TMA16: variants seen among roughly 807,000 people sequenced by gnomAD.
TMA16 encodes translation machinery-associated protein 16.
A neutral mutation model predicts 27.1 loss-of-function variants in TMA16; 26 were observed. The ratio of observed to expected loss-of-function variants is 0.96; its 90% CI spans 0.70 to 1.33. TMA16 has a LOEUF of 1.33. TMA16 is among the 40% of genes most tolerant of loss of function. The pLI is 0.00. For missense variants in TMA16, 233 were observed against 241.4 expected (o/e 0.97, Z 0.23); for synonymous variants, 71 against 81.9 (o/e 0.87, Z 0.72).
chr4:163,504,566 A>G (rs959775803), intron 1 of TMA16, among the ~76,000 whole-genome samples: 28 of 152,116 alleles, frequency 1.8e-4, no homozygotes, highest in African/African-American at 6.3e-4. Context: ...GGTGCCATCT[A>G]TGCTCGCTGC....
intron 2 of TMA16, among the ~76,000 whole-genome samples, chr4:163,508,491 C>G (rs902117840): frequency 1.3e-5 from 2 of 152,014 alleles, no homozygotes; most frequent in African/African-American, 4.8e-5. Flanking sequence ...ATACTATTAC[C>G]TGCTGTAAAT....
In TMA16 at chr4:163,512,929, T is replaced by C; in HGVS notation, c.154+70T>C. The C allele has an allele frequency of 2.5e-6, 3 of 1,180,560 alleles. No homozygotes were observed. The South Asian group carries it at 4.6e-5, about 18-fold the overall frequency. 73.1% of individuals were successfully genotyped at this position (1,180,560 alleles called of 1,614,324 possible). On this transcript the variant is annotated intron_variant, in intron 3 of 6. Coordinates refer to ENST00000358572, the MANE Select transcript of TMA16 (RefSeq NM_018352.3). The stretch of plus-strand genomic sequence containing the variant: ...ATTTCTGCCCTATACTTGTTTTTCT[T>C]TTTACTCTTTTAGTGAAATACTGTT...
At chr4:163,514,906 T>C (rs1737851788) in intron 4 of TMA16, among the ~76,000 whole-genome samples, 1 of 151,018 alleles carries the variant, frequency 6.6e-6, no homozygotes, top group South Asian at 2.1e-4. Flanking sequence ...ATAAAAGGGA[T>C]AGAGAGCAGT....
intron 2 of TMA16, 50 bp downstream of exon 2, chr4:163,507,195 A>G (rs1391550697): frequency 4.8e-6 from 7 of 1,450,070 alleles, no homozygotes; most frequent in Admixed American, 2.1e-5. Context: ...AAGCCCCTTT[A>G]TACTTTTATC....
rs1560915425 is a variant in TMA16 at position 163,512,850 on chromosome 4, A to C, written c.145A>C (p.Asn49His). The C allele has an allele frequency of 6.2e-7, 1 of 1,607,282 alleles. No individual in the cohort carries two copies. Among genetic ancestry groups the C allele is most frequent in the Non-Finnish European group, 8.5e-7 (1 of 1,175,482 alleles). ...GAAGAATGAAAAGGCCTTGCGTCTC[A>C]ACCTTGTTGGTAAGTGGGTTTACTT... is the stretch of plus-strand genomic sequence containing the variant. Reference protein sequence around the residue: ...KLKNEKALRLNLVGEKLQWFQ... With the variant: ...KLKNEKALRLHLVGEKLQWFQ... The change falls in exon 3 of 7, where the codon AAC becomes CAC. Residue 49 changes from asparagine to histidine, a missense_variant. By Grantham distance (68) the Asn-to-His change is moderately conservative. Coordinates refer to ENST00000358572, the MANE Select transcript of TMA16 (RefSeq NM_018352.3).
At chr4:163,514,042 G>A in intron 3 of TMA16, 32 bp from the exon 4 acceptor site, 1 of 1,504,196 alleles carries the variant, frequency 6.6e-7, no homozygotes, top group Non-Finnish European at 9.1e-7. Context: ...ATGACTTGTG[G>A]GGTAAACTGT....
chr4:163,497,219 G>A (rs1370223992), intron 1 of TMA16, among the ~76,000 whole-genome samples: 3 of 152,188 alleles, frequency 2.0e-5, no homozygotes, highest in Non-Finnish European at 4.4e-5. Context: ...CAACAAATCA[G>A]CTTAATACAT....
At chr4:163,497,271 T>C (rs550511907) in intron 1 of TMA16, among the ~76,000 whole-genome samples, 2 of 152,304 alleles carry the variant, frequency 1.3e-5, no homozygotes, top group African/African-American at 4.8e-5. Flanking sequence ...CTCCTGAAAG[T>C]TAGTAAAACT....
intron 1 of TMA16, among the ~76,000 whole-genome samples, chr4:163,499,718 A>G (rs1737617596): frequency 6.6e-6 from 1 of 151,402 alleles, no homozygotes; most frequent in Admixed American, 6.6e-5. Context: ...TTGTTTTTTA[A>G]ATTTTTATTA....
At chr4:163,498,198 A>C (rs1033908510) in intron 1 of TMA16, among the ~76,000 whole-genome samples, 2 of 152,090 alleles carry the variant, frequency 1.3e-5, no homozygotes, top group African/African-American at 4.8e-5. Flanking sequence ...CAGACATTGC[A>C]ATACTGCTGC....
intron 2 of TMA16, among the ~76,000 whole-genome samples, chr4:163,509,231 G>T (rs1018262923): frequency 6.6e-6 from 1 of 152,168 alleles, no homozygotes; most frequent in African/African-American, 2.4e-5. Context: ...CAAAAGGCAC[G>T]TTGAAACGCT....
At chr4:163,512,779 C>A in intron 2 of TMA16, 43 bp from the exon 3 acceptor site, 1 of 1,519,660 alleles carries the variant, frequency 6.6e-7, no homozygotes, top group Non-Finnish European at 9.0e-7. Flanking sequence ...TTAAAACTTG[C>A]TTTGGAAATT....
At position 163,507,623 on chromosome 4, in the gene TMA16, G is replaced by A. The variant is rs1737736677; in HGVS notation, c.116+478G>A. On this transcript the variant is annotated intron_variant, in intron 2 of 6. Coordinates refer to ENST00000358572, the MANE Select transcript of TMA16 (RefSeq NM_018352.3). Reference sequence around the variant, plus strand: ...ATTTGGGAGCGATCAGCATCCATGTGGGATTTCAAGCCGTGAGACTGGATA... The same window carrying A: ...ATTTGGGAGCGATCAGCATCCATGTAGGATTTCAAGCCGTGAGACTGGATA... 2.6e-5 allele frequency among the ~76,000 whole-genome samples: 4 copies of A among 151,864 alleles called. No homozygotes were observed. In the South Asian group the frequency reaches 8.3e-4, roughly 32 times the overall value.
intron 2 of TMA16, among the ~76,000 whole-genome samples, chr4:163,510,951 TAC>T (rs781266782): frequency 3.3e-5 from 5 of 152,206 alleles, no homozygotes; most frequent in Non-Finnish European, 7.3e-5. Context: ...TGTGTGGACA[TAC>T]GTTTTCATTT....
chr4:163,519,921 T>TA lies in TMA16; in HGVS notation c.*407_*408insA. The stretch of plus-strand genomic sequence containing the variant: ...GCTGTGATAATAGCAAAATTGTTTT[T>TA]CGGTAATAATATCACACTAATGCTT... On this transcript the variant is annotated 3_prime_UTR_variant, in exon 7 of 7. Coordinates refer to ENST00000358572, the MANE Select transcript of TMA16 (RefSeq NM_018352.3). 1.8e-6 allele frequency: 1 copy of TA among 559,710 alleles called. No individual in the cohort carries two copies. The highest frequency in any genetic ancestry group is 3.2e-6 in the Non-Finnish European group (1 of 314,366). The allele number at this position is 559,710 out of a possible 1,614,324, so 34.7% of individuals were successfully genotyped here. A position where few individuals can be genotyped will look rare whatever the true frequency, so the allele number is the denominator to read the frequency against.
intron 1 of TMA16, among the ~76,000 whole-genome samples, chr4:163,500,790 C>A (rs1221822217): frequency 6.6e-6 from 1 of 152,184 alleles, no homozygotes. Context: ...ACCTGTCAAA[C>A]TGATTTAGCT....
At chr4:163,498,988 A>G (rs1189507194) in intron 1 of TMA16, among the ~76,000 whole-genome samples, 2 of 152,084 alleles carry the variant, frequency 1.3e-5, no homozygotes, top group Non-Finnish European at 2.9e-5. Context: ...TGCCTTCCAG[A>G]AGACTGTACT....
chr4:163,498,388 C>T (rs1434098704), intron 1 of TMA16, among the ~76,000 whole-genome samples: 2 of 150,862 alleles, frequency 1.3e-5, no homozygotes, highest in African/African-American at 2.4e-5. Context: ...CCCGGGTTCA[C>T]GCCATTCTCC....
At chr4:163,507,418 G>A (rs1363885351) in intron 2 of TMA16, among the ~76,000 whole-genome samples, 2 of 152,122 alleles carry the variant, frequency 1.3e-5, no homozygotes, top group Non-Finnish European at 1.5e-5. Flanking sequence ...TTTTACGTGG[G>A]ATAGTCATGG....
Sources: allele counts gnomAD v4.1 joint callset (sites outside exome capture counted in the v4.1 genomes callset), GRCh38; gene constraint gnomAD v4.1.1; transcripts MANE v1.5; gene names NCBI Gene and HGNC (gene_info 2026-07-23, HGNC 2026-07-21).